OSBPL9: variants seen among roughly 807,000 people sequenced by gnomAD.
OSBPL9 encodes the protein oxysterol-binding protein-related protein 9.
In OSBPL9, 40 loss-of-function variants were observed where a neutral mutation model predicts 106.6. The ratio of observed to expected loss-of-function variants is 0.38; its 90% CI spans 0.29 to 0.49. OSBPL9 has a LOEUF of 0.49. Ranked by LOEUF, OSBPL9 falls within the 20% of genes least tolerant of loss-of-function variation. The pLI is 0.97. For missense variants in OSBPL9, 609 were observed against 887.2 expected (o/e 0.69, Z 3.98); for synonymous variants, 269 against 295.4 (o/e 0.91, Z 0.92).
intron 1 of OSBPL9, among the ~76,000 whole-genome samples, chr1:51,642,488 A>T (rs1645864454): frequency 6.6e-6 from 1 of 152,164 alleles, no homozygotes; most frequent in Admixed American, 6.5e-5. Flanking sequence ...CCTAGTCCTT[A>T]CCCCTAGGAT....
chr1:51,711,711 G>A (rs933415936), intron 3 of OSBPL9, among the ~76,000 whole-genome samples: 3 of 149,086 alleles, frequency 2.0e-5, no homozygotes, highest in African/African-American at 5.0e-5. Flanking sequence ...CGGCCGGGCA[G>A]AGATGCTCCT....
At chr1:51,541,349 T>C in the OSBPL9 span, among the ~76,000 whole-genome samples, 1 of 152,200 alleles carries the variant, frequency 6.6e-6, no homozygotes, top group African/African-American at 2.4e-5. Context: ...TAATTTCTGC[T>C]TCTTTATCAC....
At chr1:51,529,651 A>C in the OSBPL9 span, among the ~76,000 whole-genome samples, 4 of 151,924 alleles carry the variant, frequency 2.6e-5, no homozygotes, top group African/African-American at 9.7e-5. Flanking sequence ...TAGTCAATTG[A>C]TTTTCAGCAA....
At chr1:51,709,725 T>C (rs890115112) in intron 3 of OSBPL9, 6 of 152,856 alleles carry the variant, frequency 3.9e-5, no homozygotes, top group African/African-American at 1.4e-4. Flanking sequence ...GCCATGACAG[T>C]GGCCCATGTG....
chr1:51,551,949 T>G, the OSBPL9 span, among the ~76,000 whole-genome samples: 2 of 139,188 alleles, frequency 1.4e-5, no homozygotes, highest in African/African-American at 3.0e-5. Context: ...AGTTTCAGCA[T>G]GTGTAGGGTG....
chr1:51,701,064 C>CA, intron 3 of OSBPL9, among the ~76,000 whole-genome samples: 2 of 152,200 alleles, frequency 1.3e-5, no homozygotes, highest in Middle Eastern at 6.8e-3. Context: ...CTCAGCCTCC[C>CA]AAGTAGCTGA....
At chr1:51,639,813 G>GTTTT (rs1645662755) in intron 1 of OSBPL9, among the ~76,000 whole-genome samples, 2 of 106,934 alleles carry the variant, frequency 1.9e-5, no homozygotes, top group Non-Finnish European at 3.6e-5. Flanking sequence ...GGCATTCCTA[G>GTTTT]TTGTTTTTTT....
the OSBPL9 span, among the ~76,000 whole-genome samples, chr1:51,523,986 A>G: frequency 6.6e-6 from 1 of 152,348 alleles, no homozygotes; most frequent in Non-Finnish European, 1.5e-5. Flanking sequence ...GTTTATTTGC[A>G]TGAGACTTTG....
At chr1:51,766,060 A>T (rs1672490612) in intron 12 of OSBPL9, 79 bp downstream of exon 12, 2 of 1,342,394 alleles carry the variant, frequency 1.5e-6, no homozygotes, top group African/African-American at 1.5e-5. Flanking sequence ...GACTAGTGTT[A>T]ATGACAGACT....
chr1:51,628,289 G>A (rs1455735543), intron 1 of OSBPL9, among the ~76,000 whole-genome samples: 2 of 152,070 alleles, frequency 1.3e-5, no homozygotes, highest in African/African-American at 4.8e-5. Context: ...CAACCTAAAA[G>A]CATTTTAAGA....
chr1:51,593,917 C>A (rs1207014240), intron 1 of OSBPL9, among the ~76,000 whole-genome samples: 1 of 150,446 alleles, frequency 6.6e-6, no homozygotes, highest in Non-Finnish European at 1.5e-5. Flanking sequence ...CACACACACA[C>A]ACACACACAC....
chr1:51,570,825 G>T, the OSBPL9 span, among the ~76,000 whole-genome samples: 1 of 151,926 alleles, frequency 6.6e-6, no homozygotes, highest in Admixed American at 6.6e-5. Flanking sequence ...ACTTGGTGAG[G>T]TTCCTTTTTT....
chr1:51,732,365 A>G lies in OSBPL9; in HGVS notation c.319-13171A>G, dbSNP rs544710950. Among the ~76,000 whole-genome samples the G allele has an allele frequency of 3.3e-5, 5 of 152,340 alleles. 1 individual carries two copies. In the South Asian group the frequency reaches 1.0e-3, roughly 32 times the overall value. ...AAAACAGATATTTATGATGATTCTT[A>G]TATAGAAAAAAGACTTTGTGATTAC... On this transcript the variant is annotated intron_variant, in intron 4 of 23. Coordinates refer to ENST00000428468, the MANE Select transcript of OSBPL9 (RefSeq NM_024586.6).
At chr1:51,529,521 G>A in the OSBPL9 span, among the ~76,000 whole-genome samples, 27 of 151,920 alleles carry the variant, frequency 1.8e-4, no homozygotes, top group Admixed American at 7.2e-4. Flanking sequence ...GGGATTACAG[G>A]CTCCTGATTT....
chr1:51,735,380 G>A (rs978274389), intron 4 of OSBPL9, among the ~76,000 whole-genome samples: 1 of 152,150 alleles, frequency 6.6e-6, no homozygotes, highest in Non-Finnish European at 1.5e-5. Context: ...CTTGATTAAA[G>A]AAAAGTTCAA....
At chr1:51,662,742 ATTT>A (rs139072045) in intron 2 of OSBPL9, among the ~76,000 whole-genome samples, 2 of 131,752 alleles carry the variant, frequency 1.5e-5, no homozygotes, top group African/African-American at 3.0e-5. Context: ...AAATCAACGA[ATTT>A]TTTTTTTTTT....
rs368131790 is a variant in OSBPL9, at chr1:51,746,760, A to G, written c.462+3A>G. On this transcript the variant is annotated splice_donor_region_variant and intron_variant, in intron 6 of 23. Transcript: ENST00000428468. ...GCAAAGAAGATGAACAGAGAAAGGT[A>G]ACTTCCATAACCGTGCTTTTGACGT... The G allele has an allele frequency of 2.2e-5, 36 of 1,602,932 alleles. No homozygotes were observed. The highest frequency in any genetic ancestry group is 3.0e-5 in the Non-Finnish European group (35 of 1,175,076).
intron 3 of OSBPL9, among the ~76,000 whole-genome samples, chr1:51,674,197 T>C (rs1477031037): frequency 6.6e-6 from 1 of 151,968 alleles, no homozygotes. Context: ...TAGCTGGAAC[T>C]ACTAAAAAAA....
chr1:51,654,966 A>G (rs1646728974), intron 2 of OSBPL9, among the ~76,000 whole-genome samples: 1 of 152,172 alleles, frequency 6.6e-6, no homozygotes, highest in Non-Finnish European at 1.5e-5. Flanking sequence ...TCAGTTTGGA[A>G]AGATGAAAAA....
Sources: allele counts gnomAD v4.1 joint callset (sites outside exome capture counted in the v4.1 genomes callset), GRCh38; gene constraint gnomAD v4.1.1; transcripts MANE v1.5; gene names NCBI Gene and HGNC (gene_info 2026-07-23, HGNC 2026-07-21).